Variants in TLN2 observed in about 807,000 individuals in gnomAD.
TLN2 encodes the protein talin-2.
Under a neutral mutation model 294.7 loss-of-function variants are expected in TLN2, and 118 were observed. That is an observed-to-expected ratio of 0.40 (90% CI 0.34 to 0.47). The LOEUF is 0.47. Ranked by LOEUF, TLN2 falls within the 20% of genes least tolerant of loss-of-function variation. TLN2 has a pLI of 0.84. For missense variants in TLN2, 3,083 were observed against 3,282.2 expected (o/e 0.94, Z 1.48); for synonymous variants, 1,431 against 1,304.5 (o/e 1.10, Z -2.09).
intron 1 of TLN2, among the ~76,000 whole-genome samples, chr15:62,482,926 C>T (rs2140388648): frequency 6.6e-6 from 1 of 152,260 alleles, no homozygotes; most frequent in South Asian, 2.1e-4. Flanking sequence ...TTGTTGTATC[C>T]ACAGTGCTTG....
chr15:62,804,855 A>G (rs2066163390), intron 50 of TLN2, among the ~76,000 whole-genome samples: 1 of 152,176 alleles, frequency 6.6e-6, no homozygotes, highest in African/African-American at 2.4e-5. Flanking sequence ...AGCCCCACCT[A>G]GGCTAGGGGC....
At chr15:62,629,233 C>G (rs1370036807) in intron 3 of TLN2, among the ~76,000 whole-genome samples, 1 of 152,168 alleles carries the variant, frequency 6.6e-6, no homozygotes, top group African/African-American at 2.4e-5. Flanking sequence ...TGGTAGACTT[C>G]ATTTAGGCTC....
Position 62,740,610 on chromosome 15 carries a change from G to A in TLN2, c.3886-20G>A, listed in dbSNP as rs753562656. The A allele has an allele frequency of 1.7e-5, 28 of 1,613,720 alleles. No homozygotes were observed. Among genetic ancestry groups the A allele is most frequent in the African/African-American group, 5.3e-5 (4 of 74,868 alleles). On this transcript the variant is annotated intron_variant, in intron 31 of 58. Transcript: ENST00000636159. ...GAAATGGACAGGCCCTAATAGCTCC[G>A]GCTCCTTTTGACCTTCCAGACAAAA...
Position 62,434,441 on chromosome 15 carries a change from C to CT in TLN2, c.-238+43764dup, listed in dbSNP as rs947885708. 5.3e-5 allele frequency among the ~76,000 whole-genome samples: 8 copies of CT among 152,114 alleles called. No homozygotes were observed. The East Asian group carries it at 5.8e-4, about 11-fold the overall frequency. ...ACTGGCTCCCTATTGACATTTGGGT[C>CT]TTTTTTTTATCTTTTGCTGATGTGT... On this transcript the variant is annotated intron_variant, in intron 1 of 58. Transcript: ENST00000636159.
chr15:62,476,458 G>A (rs1046962087), intron 1 of TLN2: 2 of 152,240 alleles, frequency 1.3e-5, no homozygotes, highest in African/African-American at 4.8e-5. Flanking sequence ...CTCTAGACCT[G>A]TGGCATCTCC....
At chr15:62,787,463 G>C (rs2064758492) in intron 45 of TLN2, among the ~76,000 whole-genome samples, 1 of 152,124 alleles carries the variant, frequency 6.6e-6, no homozygotes. Context: ...ACCAGGAGAT[G>C]ATTTTCTCCA....
intron 46 of TLN2, 77 bp from the exon 47 acceptor site, chr15:62,796,050 C>G: frequency 1.3e-6 from 2 of 1,540,414 alleles, no homozygotes; most frequent in South Asian, 2.5e-5. Flanking sequence ...GGAGAGAATT[C>G]ATTATTTTCA....
intron 32 of TLN2, among the ~76,000 whole-genome samples, chr15:62,744,695 T>A (rs1055475441): frequency 2.0e-5 from 3 of 151,960 alleles, no homozygotes. Context: ...TACAGGCGCA[T>A]GCCACCATGC....
intron 1 of TLN2, among the ~76,000 whole-genome samples, chr15:62,563,358 C>T (rs1393940988): frequency 1.3e-5 from 2 of 152,136 alleles, no homozygotes; most frequent in African/African-American, 4.8e-5. Context: ...TGACGTTGAG[C>T]ATTTTGTTCA....
At chr15:62,586,598 G>T (rs1309977487) in intron 1 of TLN2, among the ~76,000 whole-genome samples, 2 of 152,058 alleles carry the variant, frequency 1.3e-5, no homozygotes, top group African/African-American at 4.8e-5. Flanking sequence ...GCCCATTATG[G>T]GGATACATTT....
In TLN2 at chr15:62,809,932, C is replaced by G. The variant is rs769888870; in HGVS notation, c.6671C>G (p.Ser2224Cys). 3 of 1,614,104 alleles carry G rather than the reference C, an allele frequency of 1.9e-6. No individual in the cohort carries two copies. Among genetic ancestry groups the G allele is most frequent in the Non-Finnish European group, 2.5e-6 (3 of 1,179,992 alleles). The change falls in exon 52 of 59, where the codon TCC becomes TGC. Residue 2224 changes from serine to cysteine, a missense_variant. Physicochemically the swap from Ser to Cys is moderately radical, Grantham distance 112. Coordinates refer to ENST00000636159, the MANE Select transcript of TLN2 (RefSeq NM_015059.3). ...ATTCCTTTCTCTCTCCAGCAAGCAT[C>G]CTTCCACCCCGATGTCAGTGACGAG... Reference protein sequence around the residue: ...SDMLTACKQASFHPDVSDEVR... With the variant: ...SDMLTACKQACFHPDVSDEVR...
intron 1 of TLN2, among the ~76,000 whole-genome samples, chr15:62,391,492 C>A (rs1010181971): frequency 2.0e-5 from 3 of 152,254 alleles, no homozygotes; most frequent in African/African-American, 7.2e-5. Context: ...ATTTCGGGAT[C>A]CCTGAGGGGA....
At chr15:62,825,808 T>TATATTATATAATATA (rs1555521948) in intron 54 of TLN2, among the ~76,000 whole-genome samples, 8 of 5,808 alleles carry the variant, frequency 1.4e-3, no homozygotes, top group African/African-American at 2.3e-3. Flanking sequence ...ATATTATATA[T>TATATTATATAATATA]TATATTATAA....
intron 7 of TLN2, among the ~76,000 whole-genome samples, chr15:62,654,853 T>A (rs1390229815): frequency 4.0e-5 from 6 of 151,206 alleles, no homozygotes; most frequent in African/African-American, 9.7e-5. Flanking sequence ...AGCCAGCACG[T>A]AACCCCATGT....
chr15:62,719,315 G>A (rs2059978204), intron 24 of TLN2, among the ~76,000 whole-genome samples: 1 of 152,206 alleles, frequency 6.6e-6, no homozygotes, highest in Non-Finnish European at 1.5e-5. Context: ...CGCAGAATGT[G>A]TGCCTGCAAA....
intron 2 of TLN2, among the ~76,000 whole-genome samples, chr15:62,607,705 A>G (rs12908357): frequency 0.25 from 37,704 of 152,020 alleles, 5,051 homozygotes; most frequent in East Asian, 0.4. Context: ...CCCTGTGTGG[A>G]AAAGGCCCGA....
chr15:62,701,229 G>C lies in TLN2; in HGVS notation c.1696+15G>C. 1.3e-6 allele frequency: 2 copies of C among 1,598,234 alleles called. No homozygotes were observed. Among genetic ancestry groups the C allele is most frequent in the South Asian group, 1.1e-5 (1 of 89,614 alleles). ...CCTCACAGCTGGTAAGTCCCGGAGAGATTTGTGCTGCATTGGGGTTTTGTT... is the reference window on the plus strand; with the variant it reads ...CCTCACAGCTGGTAAGTCCCGGAGACATTTGTGCTGCATTGGGGTTTTGTT... On this transcript the variant is annotated intron_variant, in intron 17 of 58. Coordinates refer to ENST00000636159, the MANE Select transcript of TLN2 (RefSeq NM_015059.3).
At chr15:62,664,285 A>C (rs1240950878) in intron 9 of TLN2, among the ~76,000 whole-genome samples, 1 of 152,004 alleles carries the variant, frequency 6.6e-6, no homozygotes, top group Non-Finnish European at 1.5e-5. Flanking sequence ...CTTCAAAGAG[A>C]AGGAAATGTA....
intron 9 of TLN2, among the ~76,000 whole-genome samples, chr15:62,665,213 C>T (rs2054466264): frequency 6.6e-6 from 1 of 152,000 alleles, no homozygotes; most frequent in African/African-American, 2.4e-5. Flanking sequence ...CAGGCATGCA[C>T]CATCATGCCC....
Sources: allele counts gnomAD v4.1 joint callset (sites outside exome capture counted in the v4.1 genomes callset), GRCh38; gene constraint gnomAD v4.1.1; transcripts MANE v1.5; gene names NCBI Gene and HGNC (gene_info 2026-07-23, HGNC 2026-07-21).